The following GABRG2 variants were observed in gnomAD, a reference collection of about 807,000 sequenced individuals.
GABRG2 encodes the protein gamma-aminobutyric acid receptor subunit gamma-2.
GABRG2 carries 16 observed loss-of-function variants against 56.4 expected under a neutral mutation model. The ratio of observed to expected loss-of-function variants is 0.28; its 90% CI spans 0.19 to 0.43. GABRG2 has a LOEUF of 0.43. Ranked by LOEUF, GABRG2 falls within the 20% of genes least tolerant of loss-of-function variation. The pLI is 1.00. For missense variants in GABRG2, 327 were observed against 582.7 expected (o/e 0.56, Z 4.52); for synonymous variants, 208 against 205.5 (o/e 1.01, Z -0.10).
At chr5:162,077,344 GTTC>G (rs931159157) in intron 1 of GABRG2, among the ~76,000 whole-genome samples, 3 of 151,976 alleles carry the variant, frequency 2.0e-5, no homozygotes, top group Non-Finnish European at 4.4e-5. Context: ...ATGCATATGA[GTTC>G]TTTTTTATTA....
chr5:162,105,789 T>A (rs917459240), intron 6 of GABRG2, among the ~76,000 whole-genome samples: 2 of 142,826 alleles, frequency 1.4e-5, no homozygotes, highest in Non-Finnish European at 3.0e-5. Context: ...AGAACTGAAG[T>A]CTTCCATTGG....
intron 3 of GABRG2, 64 bp downstream of exon 3, chr5:162,095,626 A>C: frequency 8.3e-7 from 1 of 1,202,242 alleles, no homozygotes; most frequent in Non-Finnish European, 1.2e-6. Flanking sequence ...ATGTGATGTC[A>C]TGGAAATAGC....
chr5:162,128,418 T>C (rs1460100888), intron 6 of GABRG2: 3 of 151,986 alleles, frequency 2.0e-5, no homozygotes, highest in Admixed American at 2.0e-4. Flanking sequence ...TCCCTTCCCT[T>C]GTCTGGGTTT....
intron 1 of GABRG2, among the ~76,000 whole-genome samples, chr5:162,076,624 A>C (rs529119199): frequency 1.1e-4 from 16 of 152,294 alleles, no homozygotes; most frequent in African/African-American, 3.6e-4. Context: ...GACATTGTAA[A>C]ACATTATCCC....
intron 6 of GABRG2, among the ~76,000 whole-genome samples, chr5:162,123,320 A>G (rs1329894136): frequency 2.0e-5 from 3 of 151,808 alleles, no homozygotes; most frequent in Non-Finnish European, 4.4e-5. Flanking sequence ...TGGATAAGAT[A>G]TAATCATCTT....
intron 6 of GABRG2, among the ~76,000 whole-genome samples, chr5:162,104,402 G>A (rs953559478): frequency 1.3e-5 from 2 of 152,132 alleles, no homozygotes; most frequent in Admixed American, 6.5e-5. Flanking sequence ...ATGCAGAAAA[G>A]TAAGCATAGT....
intron 4 of GABRG2, among the ~76,000 whole-genome samples, 161 bp from the exon 5 acceptor site, chr5:162,101,074 A>AT (rs1350739086): frequency 6.6e-6 from 1 of 152,068 alleles, no homozygotes; most frequent in Non-Finnish European, 1.5e-5. Context: ...GTCTTATGTA[A>AT]TTTTTTCCTG....
chr5:162,077,508 A>T (rs1181806886), intron 1 of GABRG2, among the ~76,000 whole-genome samples: 1 of 152,168 alleles, frequency 6.6e-6, no homozygotes, highest in Non-Finnish European at 1.5e-5. Context: ...AATGTCTAGG[A>T]TGTAGCATAG....
chr5:162,148,988 T>C (rs1187355259), intron 7 of GABRG2, 120 bp from the exon 8 acceptor site: 2 of 834,098 alleles, frequency 2.4e-6, no homozygotes, highest in Non-Finnish European at 4.1e-6. Flanking sequence ...CACTTATACC[T>C]CCTTTCCCAT....
At chr5:162,097,443 A>C (rs753342068) in intron 3 of GABRG2, among the ~76,000 whole-genome samples, 195 bp from the exon 4 acceptor site, 1 of 152,172 alleles carries the variant, frequency 6.6e-6, no homozygotes, top group African/African-American at 2.4e-5. Flanking sequence ...CTTTTTCATA[A>C]AAGTATCAAA....
chr5:162,125,433 A>T, intron 6 of GABRG2, among the ~76,000 whole-genome samples: 1 of 148,886 alleles, frequency 6.7e-6, no homozygotes, highest in Non-Finnish European at 1.5e-5. Context: ...TTTCCCACCA[A>T]GATTTTGGAT....
intron 1 of GABRG2, among the ~76,000 whole-genome samples, chr5:162,083,108 T>C (rs1344139783): frequency 6.6e-6 from 1 of 151,824 alleles, no homozygotes; most frequent in African/African-American, 2.4e-5. Flanking sequence ...AAACTAGTAG[T>C]GTATGAAAAT....
intron 1 of GABRG2, among the ~76,000 whole-genome samples, chr5:162,070,552 G>GT (rs1561633239): frequency 6.6e-6 from 1 of 151,724 alleles, no homozygotes. Flanking sequence ...AAAAAAATTG[G>GT]TTTTTTATTT....
In GABRG2 at chr5:162,110,630, A is replaced by AAAC. The variant is rs200545264; in HGVS notation, c.769+6631_769+6633dup. Among the ~76,000 whole-genome samples, 801 of 151,506 alleles carry AAAC rather than the reference A, an allele frequency of 5.3e-3. 8 individuals carry two copies. Among genetic ancestry groups the AAAC allele is most frequent in the East Asian group, 4.8e-3 (25 of 5,160 alleles). On this transcript the variant is annotated intron_variant, in intron 6 of 9. Transcript: ENST00000639213. The stretch of plus-strand genomic sequence containing the variant: ...TTTTAAATTGAAGAGGTTGGAAGGG[A>AAAC]AACAACAACAACAACAACAACAACA...
Position 162,153,127 on chromosome 5 carries a change from C to G in GABRG2, c.1187C>G (p.Thr396Ser). The change falls in exon 10 of 10, where the codon ACC becomes AGC. Residue 396 changes from threonine to serine, a missense_variant. By Grantham distance (58) the Thr-to-Ser change is moderately conservative (BLOSUM62 1). Coordinates refer to ENST00000639213, the MANE Select transcript of GABRG2 (RefSeq NM_198904.4). ...PTIDIRPRSATIQMNNATHLQ... is the reference protein window; with the variant it reads ...PTIDIRPRSASIQMNNATHLQ... Reference sequence around the variant, plus strand: ...ATTGATATCCGCCCAAGATCAGCAACCATTCAAATGAATAATGCTACACAC... The same window carrying G: ...ATTGATATCCGCCCAAGATCAGCAAGCATTCAAATGAATAATGCTACACAC... 6.2e-7 allele frequency: 1 copy of G among 1,614,004 alleles called. No individual in the cohort carries two copies. Among genetic ancestry groups the G allele is most frequent in the South Asian group, 1.1e-5 (1 of 91,076 alleles).
chr5:162,074,269 G>T (rs552372590), intron 1 of GABRG2, among the ~76,000 whole-genome samples: 6 of 151,886 alleles, frequency 4.0e-5, no homozygotes, highest in African/African-American at 1.2e-4. Context: ...AAAAATCATT[G>T]TATAACTCTG....
At chr5:162,144,814 C>T (rs540588881) in intron 7 of GABRG2, among the ~76,000 whole-genome samples, 1 of 152,154 alleles carries the variant, frequency 6.6e-6, no homozygotes, top group Admixed American at 6.5e-5. Flanking sequence ...TTTAACTTTG[C>T]TGTCTCAGTT....
intron 5 of GABRG2, chr5:162,102,668 T>C (rs963794452): frequency 4.4e-6 from 2 of 450,082 alleles, no homozygotes; most frequent in South Asian, 1.6e-5. Flanking sequence ...GTAGCTGGGA[T>C]TTCAGGCACG....
intron 1 of GABRG2, among the ~76,000 whole-genome samples, chr5:162,085,785 T>G (rs367963758): frequency 6.6e-6 from 1 of 151,952 alleles, no homozygotes; most frequent in South Asian, 2.1e-4. Flanking sequence ...TTTGTCCATG[T>G]GTCCTCATTG....
Sources: allele counts gnomAD v4.1 joint callset (sites outside exome capture counted in the v4.1 genomes callset), GRCh38; gene constraint gnomAD v4.1.1; transcripts MANE v1.5; gene names NCBI Gene and HGNC (gene_info 2026-07-23, HGNC 2026-07-21).